Variants in GALNT8 observed in about 807,000 individuals in gnomAD.
GALNT8 encodes the protein probable polypeptide N-acetylgalactosaminyltransferase 8.
In GALNT8, 66 loss-of-function variants were observed where a neutral mutation model predicts 62.7. The observed-to-expected ratio is 1.05, with a 90% CI of 0.86 to 1.29. The LOEUF (loss-of-function observed/expected upper bound fraction) is 1.29, where lower values mean the gene tolerates loss of function less well. Ranked by LOEUF, GALNT8 falls within the 50% of genes most tolerant of loss-of-function variation. GALNT8 has a pLI of 0.00. For missense variants in GALNT8, 771 were observed against 791.8 expected, an observed-to-expected ratio of 0.97 and a Z score of 0.32; for synonymous variants, 288 against 294.3, an observed-to-expected ratio of 0.98 and a Z score of 0.22.
At chr12:4,764,565 A>G (rs1231519177) in intron 9 of GALNT8, among the ~76,000 whole-genome samples, 1 of 104,020 alleles carries the variant, frequency 9.6e-6, no homozygotes, top group African/African-American at 3.9e-5. Flanking sequence ...TTTTTTTGAG[A>G]CAGAGTCTCG....
intron 2 of GALNT8, among the ~76,000 whole-genome samples, chr12:4,728,205 A>T (rs549382125): frequency 4.7e-5 from 4 of 85,888 alleles, no homozygotes; most frequent in African/African-American, 1.3e-4. Flanking sequence ...TTTAAAAAAA[A>T]ATTGGCTTAT....
chr12:4,736,656 A>AT (rs1946246558), intron 2 of GALNT8, among the ~76,000 whole-genome samples: 2 of 152,184 alleles, frequency 1.3e-5, no homozygotes, highest in East Asian at 3.8e-4. Flanking sequence ...GGAGAAATAG[A>AT]TTTTGTAGAC....
At chr12:4,761,270 G>T in intron 7 of GALNT8, 127 bp downstream of exon 7, 1 of 694,238 alleles carries the variant, frequency 1.4e-6, no homozygotes, top group South Asian at 1.9e-5. Flanking sequence ...TCCTGATGGT[G>T]TGATAATAAT....
intron 10 of GALNT8, among the ~76,000 whole-genome samples, chr12:4,770,756 T>G (rs1318638304): frequency 3.3e-5 from 5 of 152,152 alleles, no homozygotes; most frequent in Admixed American, 1.3e-4. Flanking sequence ...CTGTGTGCTA[T>G]TGCCTCGTTG....
chr12:4,760,515 G>T (rs148499091), intron 6 of GALNT8, among the ~76,000 whole-genome samples: 116 of 152,308 alleles, frequency 7.6e-4, no homozygotes, highest in Middle Eastern at 3.4e-3. Context: ...ATCAGGCAAG[G>T]CTGTAGACAC....
intron 9 of GALNT8, 63 bp downstream of exon 9, chr12:4,764,110 C>T (rs1251612992): frequency 1.4e-5 from 13 of 914,420 alleles, no homozygotes; most frequent in Non-Finnish European, 2.2e-5. Context: ...CCCCTGGTAA[C>T]CATTGCTGGG....
chr12:4,745,325 G>A (rs1378145497), intron 4 of GALNT8, 104 bp from the exon 5 acceptor site: 2 of 736,402 alleles, frequency 2.7e-6, no homozygotes, highest in Non-Finnish European at 4.9e-6. Context: ...CTAAATGGAG[G>A]AGGTACTCAA....
chr12:4,725,763 C>T (rs1413107173), intron 1 of GALNT8, among the ~76,000 whole-genome samples: 3 of 152,076 alleles, frequency 2.0e-5, no homozygotes, highest in Admixed American at 2.0e-4. Flanking sequence ...ACCATGTTGG[C>T]CAGGCTGGTC....
intron 2 of GALNT8, among the ~76,000 whole-genome samples, chr12:4,734,897 C>T (rs1297030764): frequency 6.6e-6 from 1 of 152,134 alleles, no homozygotes; most frequent in Admixed American, 6.5e-5. Flanking sequence ...CTTGCAGTTT[C>T]AGAGGGTGCA....
At chr12:4,737,550 G>A (rs1946251138) in intron 2 of GALNT8, among the ~76,000 whole-genome samples, 1 of 152,168 alleles carries the variant, frequency 6.6e-6, no homozygotes, top group African/African-American at 2.4e-5. Context: ...AACAAGGTCT[G>A]CCTGAAAGAG....
intron 4 of GALNT8, among the ~76,000 whole-genome samples, chr12:4,745,005 GT>G (rs1946290507): frequency 6.6e-6 from 1 of 152,068 alleles, no homozygotes; most frequent in South Asian, 2.1e-4. Context: ...TTAGCCTTTG[GT>G]TATTTTAAAG....
chr12:4,753,928 C>T (rs948781247), intron 6 of GALNT8, among the ~76,000 whole-genome samples: 6 of 152,184 alleles, frequency 3.9e-5, no homozygotes, highest in African/African-American at 1.4e-4. Flanking sequence ...GTGGTTCTTC[C>T]AGACTCATAG....
intron 10 of GALNT8, among the ~76,000 whole-genome samples, chr12:4,771,649 G>T (rs560834677): frequency 3.3e-4 from 50 of 152,144 alleles, no homozygotes; most frequent in Non-Finnish European, 6.6e-4. Flanking sequence ...ATAGCAGAGT[G>T]CAGGGCATAA....
chr12:4,746,077 T>G lies in GALNT8; in HGVS notation c.1059-67T>G, dbSNP rs528096887. On this transcript the variant is annotated intron_variant, in intron 5 of 10. Transcript: ENST00000252318. Reference sequence around the variant, plus strand: ...AGAGTTCTGAAGCCCAAATAATCATTGAGCATCCCACCCCTCGCCTCCGCT... The same window carrying G: ...AGAGTTCTGAAGCCCAAATAATCATGGAGCATCCCACCCCTCGCCTCCGCT... The G allele has an allele frequency of 2.2e-4, 197 of 876,550 alleles. 1 individual carries two copies. The East Asian group carries it at 3.8e-3, about 17-fold the overall frequency. The allele number at this position is 876,550 out of a possible 1,614,324, so 54.3% of individuals were successfully genotyped here. A position where few individuals can be genotyped will look rare whatever the true frequency, so the allele number is the denominator to read the frequency against.
intron 7 of GALNT8, among the ~76,000 whole-genome samples, chr12:4,761,813 G>C (rs1479089551): frequency 6.6e-6 from 1 of 152,080 alleles, no homozygotes; most frequent in Non-Finnish European, 1.5e-5. Context: ...CTCTGGCTCC[G>C]GGCCAGAGCA....
At chr12:4,763,411 C>T (rs1946381942) in intron 8 of GALNT8, 21 bp downstream of exon 8, 3 of 1,597,704 alleles carry the variant, frequency 1.9e-6, no homozygotes, top group African/African-American at 1.3e-5. Context: ...TGAAATTGCA[C>T]TTTGGATTTT....
chr12:4,736,475 A>T (rs1946245422), intron 2 of GALNT8, among the ~76,000 whole-genome samples: 1 of 152,130 alleles, frequency 6.6e-6, no homozygotes, highest in Non-Finnish European at 1.5e-5. Flanking sequence ...TGCCACATAT[A>T]TCAAGGAATC....
Position 4,745,535 on chromosome 12 carries a change from G to T in GALNT8, c.967G>T (p.Ala323Ser). ...CTTCAAACTGGATAAGTATGAACTG[G>T]CAGTTGATGGGTTTAACTGGGAACT... ...DTFKLDKYELAVDGFNWELWC... is the reference protein window; with the variant it reads ...DTFKLDKYELSVDGFNWELWC... The change falls in exon 5 of 11, where the codon GCA becomes TCA. Residue 323 changes from alanine to serine, a missense_variant. Ala to Ser is a moderately conservative substitution (Grantham distance 99, BLOSUM62 1). Transcript: ENST00000252318. 3 of 1,613,088 alleles carry T rather than the reference G, an allele frequency of 1.9e-6. No individual in the cohort carries two copies. Among genetic ancestry groups the T allele is most frequent in the Non-Finnish European group, 2.5e-6 (3 of 1,179,038 alleles).
chr12:4,761,449 A>T (rs1946372394), intron 7 of GALNT8, among the ~76,000 whole-genome samples: 1 of 152,144 alleles, frequency 6.6e-6, no homozygotes, highest in Non-Finnish European at 1.5e-5. Context: ...GTTTAAGGTA[A>T]TGCAGGGAGT....
Sources: gnomAD v4.1 joint callset for allele counts (sites outside exome capture counted in the v4.1 genomes callset) on GRCh38, gnomAD v4.1.1 for gene constraint, MANE v1.5 for transcripts, NCBI Gene and HGNC (gene_info 2026-07-23, HGNC 2026-07-21) for gene names.